The following CACNB2 variants were observed in gnomAD, a reference collection of about 807,000 sequenced individuals.
CACNB2 encodes the protein calcium voltage-gated channel auxiliary subunit beta 2, also known as voltage-dependent L-type calcium channel subunit beta-2.
CACNB2 carries 42 observed loss-of-function variants against 73.3 expected under a neutral mutation model. The observed-to-expected ratio is 0.57, with a 90% CI of 0.45 to 0.74. CACNB2 has a LOEUF of 0.74. Ranked by LOEUF, CACNB2 falls within the 30% of genes least tolerant of loss-of-function variation. The pLI is 0.00. For synonymous variants in CACNB2, 348 were observed against 310.3 expected (o/e 1.12, Z -1.28); for missense variants, 940 against 853.0 (o/e 1.10, Z -1.27).
At chr10:18,520,841 T>C (rs960757818) in intron 9 of CACNB2, among the ~76,000 whole-genome samples, 12 of 152,236 alleles carry the variant, frequency 7.9e-5, no homozygotes, top group African/African-American at 2.9e-4. Flanking sequence ...GGTATACGTG[T>C]GTACATGTAT....
chr10:18,412,777 C>A (rs1363916641), intron 3 of CACNB2, among the ~76,000 whole-genome samples: 1 of 152,166 alleles, frequency 6.6e-6, no homozygotes, highest in Non-Finnish European at 1.5e-5. Flanking sequence ...AGGCCTTGGC[C>A]TCCTGATGTT....
intron 2 of CACNB2, chr10:18,400,810 A>G: frequency 6.9e-7 from 1 of 1,439,916 alleles, no homozygotes; most frequent in Non-Finnish European, 9.1e-7. Context: ...AAAGCACTCG[A>G]GTGTGTGTTT....
At chr10:18,375,668 C>G (rs2042769673) in intron 2 of CACNB2, among the ~76,000 whole-genome samples, 1 of 152,184 alleles carries the variant, frequency 6.6e-6, no homozygotes, top group Admixed American at 6.6e-5. Flanking sequence ...AGTGACATCT[C>G]TGATAATCGT....
rs751230406 is a variant in CACNB2 at position 18,539,527 on chromosome 10, G to A, written c.1786G>A (p.Gly596Arg). Reference sequence around the variant, plus strand: ...CCACAACCACAGAGACGAGACCCACGGGAGCAGTGACCACAGACACAGGGA... The same window carrying A: ...CCACAACCACAGAGACGAGACCCACAGGAGCAGTGACCACAGACACAGGGA... ...RDHNHRDETH[G>R]SSDHRHRESR... is the part of the protein sequence containing the mutation. The change falls in exon 14 of 14, where the codon GGG (glycine) becomes AGG (arginine). Residue 596 changes from glycine (G) to arginine (R), a missense_variant. Coordinates refer to ENST00000324631, the MANE Select transcript of CACNB2 (RefSeq NM_201596.3). 14 of 1,613,620 alleles carry A rather than the reference G, an allele frequency of 8.7e-6. No individual in the cohort carries two copies. Among genetic ancestry groups the A allele is most frequent in the East Asian group, 2.2e-5 (1 of 44,846 alleles).
chr10:18,182,674 T>A (rs927060629), intron 2 of CACNB2, among the ~76,000 whole-genome samples: 10 of 151,642 alleles, frequency 6.6e-5, no homozygotes, highest in African/African-American at 2.4e-4. Context: ...TACAAAAGAT[T>A]AGCCAGGCGT....
chr10:18,320,070 A>G (rs1483582533), intron 2 of CACNB2, among the ~76,000 whole-genome samples: 1 of 151,568 alleles, frequency 6.6e-6, no homozygotes, highest in African/African-American at 2.4e-5. Flanking sequence ...TTCCCCTCCA[A>G]TCACTCCCCG....
At chr10:18,390,811 G>A (rs997573958) in intron 2 of CACNB2, among the ~76,000 whole-genome samples, 3 of 152,158 alleles carry the variant, frequency 2.0e-5, no homozygotes, top group African/African-American at 7.2e-5. Context: ...GCAACCATCT[G>A]TAAGAAAATT....
chr10:18,284,020 T>G (rs920976318), intron 2 of CACNB2, among the ~76,000 whole-genome samples: 1 of 151,880 alleles, frequency 6.6e-6, no homozygotes, highest in Non-Finnish European at 1.5e-5. Flanking sequence ...TAAGAATAAG[T>G]TTTTCCTTTT....
intron 5 of CACNB2, among the ~76,000 whole-genome samples, chr10:18,501,777 G>A (rs769915532): frequency 6.6e-6 from 1 of 152,168 alleles, no homozygotes; most frequent in Non-Finnish European, 1.5e-5. Context: ...ACTTTACTGT[G>A]AGCAAGTATT....
chr10:18,442,597 A>AGG (rs1413842124), intron 3 of CACNB2, among the ~76,000 whole-genome samples: 1 of 151,454 alleles, frequency 6.6e-6, no homozygotes, highest in African/African-American at 2.4e-5. Context: ...GAGGCCAAGG[A>AGG]GGGCAGATCA....
At chr10:18,530,023 G>T (rs1012553114) in intron 10 of CACNB2, among the ~76,000 whole-genome samples, 1 of 152,132 alleles carries the variant, frequency 6.6e-6, no homozygotes, top group Admixed American at 6.6e-5. Flanking sequence ...ATGTGCAGGG[G>T]AACTCCCCTT....
intron 2 of CACNB2, among the ~76,000 whole-genome samples, chr10:18,153,832 T>A (rs2031809190): frequency 6.7e-6 from 1 of 148,690 alleles, no homozygotes; most frequent in South Asian, 2.2e-4. Context: ...TCCGCCCACC[T>A]TGGTGTGCCA....
intron 2 of CACNB2, among the ~76,000 whole-genome samples, chr10:18,386,556 C>G (rs965073116): frequency 4.6e-5 from 7 of 152,008 alleles, no homozygotes; most frequent in Admixed American, 4.6e-4. Flanking sequence ...GCGCCCGCCA[C>G]CATGCCCTGC....
intron 3 of CACNB2, among the ~76,000 whole-genome samples, chr10:18,489,867 TG>T (rs1032313916): frequency 1.3e-5 from 2 of 152,134 alleles, no homozygotes; most frequent in Admixed American, 1.3e-4. Flanking sequence ...GAACAAGACA[TG>T]GCCTTGGTGT....
chr10:18,283,266 T>C (rs1406346285), intron 2 of CACNB2, among the ~76,000 whole-genome samples: 3 of 152,182 alleles, frequency 2.0e-5, no homozygotes, highest in Admixed American at 2.0e-4. Context: ...GTGTGGTGAT[T>C]CCTCAGGGAT....
chr10:18,277,346 C>T (rs907744757), intron 2 of CACNB2, among the ~76,000 whole-genome samples: 2 of 152,208 alleles, frequency 1.3e-5, no homozygotes, highest in Non-Finnish European at 2.9e-5. Context: ...GATCAAAAGT[C>T]GTCTCTGGTT....
intron 1 of CACNB2, among the ~76,000 whole-genome samples, chr10:18,147,598 T>C (rs967153723): frequency 6.6e-6 from 1 of 152,210 alleles, no homozygotes; most frequent in Non-Finnish European, 1.5e-5. Context: ...GCACTAATGA[T>C]TAACTGTTTC....
chr10:18,524,527 C>T (rs182535989), intron 9 of CACNB2, among the ~76,000 whole-genome samples: 16 of 151,744 alleles, frequency 1.1e-4, no homozygotes, highest in African/African-American at 3.6e-4. Context: ...CAATGGTGGG[C>T]ACCTGTAATC....
intron 2 of CACNB2, among the ~76,000 whole-genome samples, chr10:18,357,631 G>A (rs1168347888): frequency 6.6e-6 from 1 of 152,146 alleles, no homozygotes; most frequent in Non-Finnish European, 1.5e-5. Flanking sequence ...ACAACTATGC[G>A]AAAAGACTTG....
Sources: allele counts gnomAD v4.1 joint callset (sites outside exome capture counted in the v4.1 genomes callset), GRCh38; gene constraint gnomAD v4.1.1; transcripts MANE v1.5; gene names NCBI Gene and HGNC (gene_info 2026-07-23, HGNC 2026-07-21).